Variants in RASAL2 observed in about 807,000 individuals in gnomAD.
The protein encoded by RASAL2 is ras GTPase-activating protein nGAP.
In RASAL2, 58 loss-of-function variants were observed where a neutral mutation model predicts 128.9. The observed-to-expected ratio is 0.45, with a 90% CI of 0.36 to 0.56. The LOEUF is 0.56. Ranked by LOEUF, RASAL2 falls within the 20% of genes least tolerant of loss-of-function variation. The pLI, the probability that RASAL2 is intolerant of heterozygous loss-of-function variation, is 0.00. For synonymous variants in RASAL2, 561 were observed against 580.8 expected, an observed-to-expected ratio of 0.97 and a Z score of 0.49; for missense variants, 1,360 against 1,601.6, an observed-to-expected ratio of 0.85 and a Z score of 2.57.
At chr1:178,402,033 G>GT (rs1330997758) in intron 4 of RASAL2, among the ~76,000 whole-genome samples, 2 of 152,112 alleles carry the variant, frequency 1.3e-5, no homozygotes, top group Non-Finnish European at 2.9e-5. Flanking sequence ...AGAGCAAATT[G>GT]TTTGACTTCC....
chr1:178,214,860 C>T (rs1052587117), intron 1 of RASAL2, among the ~76,000 whole-genome samples: 50 of 152,246 alleles, frequency 3.3e-4, no homozygotes, highest in Non-Finnish European at 6.0e-4. Flanking sequence ...GCCTGGCCCA[C>T]CTGGACTATG....
intron 2 of RASAL2, among the ~76,000 whole-genome samples, chr1:178,295,688 G>C (rs1480482911): frequency 6.6e-6 from 1 of 152,136 alleles, no homozygotes; most frequent in Non-Finnish European, 1.5e-5. Context: ...CAGTAGGTCT[G>C]GGGTGGGGAC....
intron 3 of RASAL2, among the ~76,000 whole-genome samples, chr1:178,343,489 T>A (rs1669987070): frequency 6.6e-6 from 1 of 152,212 alleles, no homozygotes; most frequent in African/African-American, 2.4e-5. Flanking sequence ...GCTTTTAATA[T>A]GTGAAAGGAC....
chr1:178,111,723 T>G (rs763695348), intron 1 of RASAL2, among the ~76,000 whole-genome samples: 10 of 152,174 alleles, frequency 6.6e-5, no homozygotes, highest in Non-Finnish European at 1.5e-4. Flanking sequence ...TTCAATCTTT[T>G]GTCTATTTTA....
intron 4 of RASAL2, among the ~76,000 whole-genome samples, chr1:178,395,733 A>G (rs1484905837): frequency 6.7e-6 from 1 of 149,300 alleles, no homozygotes; most frequent in Non-Finnish European, 1.5e-5. Context: ...AAAATCCATA[A>G]TAGGATCGCC....
chr1:178,371,868 C>T (rs1323192677), intron 3 of RASAL2, among the ~76,000 whole-genome samples: 1 of 152,038 alleles, frequency 6.6e-6, no homozygotes, highest in Non-Finnish European at 1.5e-5. Flanking sequence ...GTTTCTTTTT[C>T]TTTGAGTGTC....
At chr1:178,139,273 T>A (rs1456273379) in intron 1 of RASAL2, among the ~76,000 whole-genome samples, 2 of 152,026 alleles carry the variant, frequency 1.3e-5, no homozygotes, top group Non-Finnish European at 2.9e-5. Context: ...ATAAGGGAAC[T>A]TTTTTCTGAG....
intron 1 of RASAL2, among the ~76,000 whole-genome samples, chr1:178,211,450 A>G (rs1186004034): frequency 6.6e-6 from 1 of 152,108 alleles, no homozygotes; most frequent in African/African-American, 2.4e-5. Flanking sequence ...GCTCCTCATT[A>G]TTTATAAGAT....
intron 1 of RASAL2, among the ~76,000 whole-genome samples, chr1:178,270,742 C>T (rs575897564): frequency 6.6e-6 from 1 of 152,040 alleles, no homozygotes; most frequent in South Asian, 2.1e-4. Context: ...ACTGGAGGAT[C>T]TAAGTGTGAA....
chr1:178,140,468 C>T (rs916688879), intron 1 of RASAL2, among the ~76,000 whole-genome samples: 1 of 152,144 alleles, frequency 6.6e-6, no homozygotes, highest in Non-Finnish European at 1.5e-5. Flanking sequence ...CCCTGTGTTT[C>T]TCCTCTTCTT....
intron 1 of RASAL2, among the ~76,000 whole-genome samples, chr1:178,278,893 G>C (rs998414600): frequency 4.7e-5 from 7 of 149,096 alleles, no homozygotes; most frequent in Non-Finnish European, 1.5e-5. Flanking sequence ...AATATATCAT[G>C]CTATGATGCT....
intron 3 of RASAL2, among the ~76,000 whole-genome samples, chr1:178,353,722 T>C (rs12083491): frequency 0.01 from 1,530 of 152,356 alleles, 19 homozygotes; most frequent in African/African-American, 0.035. Context: ...GTAATCATGA[T>C]AGTGACTATA....
chr1:178,118,467 A>G (rs913123275), intron 1 of RASAL2, among the ~76,000 whole-genome samples: 1 of 152,140 alleles, frequency 6.6e-6, no homozygotes, highest in African/African-American at 2.4e-5. Flanking sequence ...AGTGACACAC[A>G]AAGTGTGTTG....
chr1:178,103,874 A>AT (rs1307633589), intron 1 of RASAL2, among the ~76,000 whole-genome samples: 1 of 151,732 alleles, frequency 6.6e-6, no homozygotes, highest in Admixed American at 6.6e-5. Context: ...AATGTATCGG[A>AT]TTTTTCTTTT....
At chr1:178,417,535 G>T (rs1372058401) in intron 4 of RASAL2, among the ~76,000 whole-genome samples, 1 of 152,064 alleles carries the variant, frequency 6.6e-6, no homozygotes, top group Non-Finnish European at 1.5e-5. Context: ...GCCGAGGTGG[G>T]CGGATCACCT....
At chr1:178,318,364 C>T (rs1425682420) in intron 3 of RASAL2, among the ~76,000 whole-genome samples, 722 of 137,692 alleles carry the variant, frequency 5.2e-3, no homozygotes, top group South Asian at 7.9e-3. Flanking sequence ...CTTTCTGTCT[C>T]GTTGATCTGT....
intron 3 of RASAL2, among the ~76,000 whole-genome samples, chr1:178,359,304 T>C (rs765003118): frequency 6.6e-6 from 1 of 152,208 alleles, no homozygotes; most frequent in Non-Finnish European, 1.5e-5. Context: ...TGTACTGATA[T>C]AATCATTTTG....
Position 178,257,423 on chromosome 1 carries a change from A to ATGTGTGTGTGTGTGTGTGTG in RASAL2, c.203-26127_203-26108dup, listed in dbSNP as rs71108037. Among the ~76,000 whole-genome samples, 816 of 147,218 alleles carry ATGTGTGTGTGTGTGTGTGTG rather than the reference A, an allele frequency of 5.5e-3. 2 individuals are homozygous for ATGTGTGTGTGTGTGTGTGTG. Among genetic ancestry groups the ATGTGTGTGTGTGTGTGTGTG allele is most frequent in the South Asian group, 0.017 (79 of 4,578 alleles). On this transcript the variant is annotated intron_variant, in intron 1 of 17. Transcript: ENST00000367649. Reference sequence around the variant, plus strand: ...GACAGTGTGGTGCTGGCTCAGGGATATGTGTGTGTGTGTGTGTGTGTGTGT... The same window carrying ATGTGTGTGTGTGTGTGTGTG: ...GACAGTGTGGTGCTGGCTCAGGGATATGTGTGTGTGTGTGTGTGTGTGTGTGTGTGTGTGTGTGTGTGTGT...
At chr1:178,471,327 G>A (rs1483911182) in intron 17 of RASAL2, among the ~76,000 whole-genome samples, 1 of 151,916 alleles carries the variant, frequency 6.6e-6, no homozygotes, top group African/African-American at 2.4e-5. Context: ...GTATTCACTG[G>A]CCAGTTCTTA....
Sources: gnomAD v4.1 joint callset for allele counts (sites outside exome capture counted in the v4.1 genomes callset) on GRCh38, gnomAD v4.1.1 for gene constraint, MANE v1.5 for transcripts, NCBI Gene and HGNC (gene_info 2026-07-23, HGNC 2026-07-21) for gene names.